The following ADAMTSL1 variants were observed in gnomAD, a reference collection of about 807,000 sequenced individuals.
ADAMTSL1 encodes the protein ADAMTS like 1, also known as ADAMTS-like protein 1.
ADAMTSL1 carries 126 observed loss-of-function variants against 201.8 expected under a neutral mutation model. The observed-to-expected ratio is 0.62, with a 90% CI of 0.54 to 0.72. The LOEUF (loss-of-function observed/expected upper bound fraction) is 0.72, where lower values mean the gene tolerates loss of function less well. Ranked by LOEUF, ADAMTSL1 falls within the 30% of genes least tolerant of loss-of-function variation. ADAMTSL1 has a pLI of 0.00. For missense variants in ADAMTSL1, 2,679 were observed against 2,277.8 expected, an observed-to-expected ratio of 1.18 and a Z score of -3.59; for synonymous variants, 1,121 against 903.4, an observed-to-expected ratio of 1.24 and a Z score of -4.32.
At chr9:18,644,546 C>G (rs1827663547) in intron 7 of ADAMTSL1, among the ~76,000 whole-genome samples, 1 of 151,102 alleles carries the variant, frequency 6.6e-6, no homozygotes, top group Non-Finnish European at 1.5e-5. Flanking sequence ...CCTACCCCCA[C>G]CCCACAACAG....
intron 1 of ADAMTSL1, among the ~76,000 whole-genome samples, chr9:17,987,668 C>T (rs1012827103): frequency 6.6e-6 from 1 of 152,060 alleles, no homozygotes; most frequent in Non-Finnish European, 1.5e-5. Context: ...AATTGATTAA[C>T]CATCACATTC....
intron 5 of ADAMTSL1, among the ~76,000 whole-genome samples, chr9:18,629,751 C>G (rs940369902): frequency 1.4e-4 from 22 of 152,050 alleles, no homozygotes; most frequent in African/African-American, 5.3e-4. Flanking sequence ...TGGCCTCAAA[C>G]GATGAGTAGA....
At chr9:18,178,728 C>T (rs200032587) in intron 2 of ADAMTSL1, among the ~76,000 whole-genome samples, 4,190 of 151,930 alleles carry the variant, frequency 0.028, 94 homozygotes, top group Middle Eastern at 0.085. Flanking sequence ...CCCTGACCCC[C>T]GAGCAGCCTA....
intron 2 of ADAMTSL1, among the ~76,000 whole-genome samples, chr9:18,358,875 A>C (rs763616716): frequency 1.3e-5 from 2 of 152,226 alleles, no homozygotes; most frequent in Non-Finnish European, 2.9e-5. Context: ...ATTTTCAATT[A>C]GGACCATTAA....
intron 13 of ADAMTSL1, among the ~76,000 whole-genome samples, chr9:18,698,428 G>A (rs488536): frequency 0.19 from 29,310 of 152,054 alleles, 2,945 homozygotes; most frequent in East Asian, 0.31. Flanking sequence ...GGGCTTGCAG[G>A]TGTATGCCAC....
chr9:18,269,985 C>G (rs1274109622), intron 2 of ADAMTSL1, among the ~76,000 whole-genome samples: 1 of 151,988 alleles, frequency 6.6e-6, no homozygotes, highest in Non-Finnish European at 1.5e-5. Flanking sequence ...GGTTTATAAT[C>G]TAATGCCGTC....
chr9:18,427,537 A>G (rs1337034134), intron 2 of ADAMTSL1, among the ~76,000 whole-genome samples: 2 of 152,228 alleles, frequency 1.3e-5, no homozygotes, highest in African/African-American at 4.8e-5. Flanking sequence ...AATTTTTTTA[A>G]GTTTTAATCA....
At chr9:18,507,491 T>A (rs1471580051) in intron 2 of ADAMTSL1, among the ~76,000 whole-genome samples, 1 of 152,210 alleles carries the variant, frequency 6.6e-6, no homozygotes, top group African/African-American at 2.4e-5. Flanking sequence ...ATAATGCTGA[T>A]TTTTAAAATA....
intron 4 of ADAMTSL1, among the ~76,000 whole-genome samples, chr9:18,579,511 T>TA (rs778371570): frequency 1.3e-5 from 2 of 151,988 alleles, no homozygotes; most frequent in African/African-American, 2.4e-5. Flanking sequence ...AATAAATAAA[T>TA]AAAAAAAATA....
At chr9:18,880,708 C>A (rs1828470968) in intron 23 of ADAMTSL1, among the ~76,000 whole-genome samples, 1 of 152,160 alleles carries the variant, frequency 6.6e-6, no homozygotes, top group East Asian at 1.9e-4. Flanking sequence ...TAGAGATGAC[C>A]ATTGGCTTCA....
intron 2 of ADAMTSL1, among the ~76,000 whole-genome samples, chr9:18,314,772 C>A (rs116285473): frequency 7.6e-6 from 1 of 132,318 alleles, no homozygotes; most frequent in Admixed American, 8.1e-5. Context: ...CTGCTGCCTT[C>A]GGCAGCGTGC....
chr9:18,173,265 C>A (rs1827985552), intron 2 of ADAMTSL1, among the ~76,000 whole-genome samples: 2 of 152,002 alleles, frequency 1.3e-5, no homozygotes, highest in African/African-American at 4.8e-5. Context: ...ATCACTGAAA[C>A]ATAAAGTGAC....
chr9:18,515,128 G>T (rs939559263), intron 2 of ADAMTSL1, among the ~76,000 whole-genome samples: 5 of 151,914 alleles, frequency 3.3e-5, no homozygotes, highest in Admixed American at 1.3e-4. Context: ...CAGATATCTG[G>T]GCCCTACCAA....
intron 2 of ADAMTSL1, among the ~76,000 whole-genome samples, chr9:18,438,991 G>T (rs1802368519): frequency 6.8e-6 from 1 of 146,346 alleles, no homozygotes; most frequent in Non-Finnish European, 1.5e-5. Context: ...TTGTTGACAG[G>T]TTTTTTTTTT....
intron 1 of ADAMTSL1, among the ~76,000 whole-genome samples, chr9:18,099,921 C>G (rs4497064): frequency 6.6e-6 from 1 of 152,144 alleles, no homozygotes; most frequent in East Asian, 1.9e-4. Context: ...CCGCTGCGCC[C>G]GGCCCTTTTT....
intron 2 of ADAMTSL1, among the ~76,000 whole-genome samples, chr9:18,431,751 C>A (rs1447930332): frequency 1.3e-5 from 2 of 152,124 alleles, no homozygotes; most frequent in African/African-American, 4.8e-5. Flanking sequence ...CTTTTCTTCC[C>A]ATGACCAATC....
chr9:18,442,543 A>C (rs2133459407), intron 2 of ADAMTSL1, among the ~76,000 whole-genome samples: 1 of 152,328 alleles, frequency 6.6e-6, no homozygotes, highest in East Asian at 1.9e-4. Context: ...TTCAAAAAGA[A>C]GGAAAAAAAA....
intron 3 of ADAMTSL1, among the ~76,000 whole-genome samples, chr9:18,570,150 A>G (rs1822200505): frequency 6.6e-6 from 1 of 152,082 alleles, no homozygotes. Flanking sequence ...CATGAGTCCA[A>G]GGGTTCCAGA....
At chr9:18,194,489 A>G (rs1829094800) in intron 2 of ADAMTSL1, among the ~76,000 whole-genome samples, 1 of 152,082 alleles carries the variant, frequency 6.6e-6, no homozygotes. Context: ...GCCAGTAACA[A>G]TGTTAACCCG....
Sources: allele counts gnomAD v4.1 joint callset (sites outside exome capture counted in the v4.1 genomes callset), GRCh38; gene constraint gnomAD v4.1.1; transcripts MANE v1.5; gene names NCBI Gene and HGNC (gene_info 2026-07-23, HGNC 2026-07-21).